The following MTUS2 variants were observed in gnomAD, a reference collection of about 807,000 sequenced individuals.
The protein encoded by MTUS2 is microtubule associated scaffold protein 2.
MTUS2 carries 40 observed loss-of-function variants against 114.1 expected under a neutral mutation model. The observed-to-expected ratio is 0.35, with a 90% CI of 0.27 to 0.46. The LOEUF (loss-of-function observed/expected upper bound fraction) is 0.46, where lower values mean the gene tolerates loss of function less well. MTUS2 is among the 20% of genes least tolerant of loss of function. The pLI is 1.00. For missense variants in MTUS2, 1,679 were observed against 1,705.4 expected (o/e 0.98, Z 0.27); for synonymous variants, 688 against 672.0 (o/e 1.02, Z -0.37).
At chr13:29,150,787 A>C (rs1233287487) in intron 5 of MTUS2, among the ~76,000 whole-genome samples, 2 of 152,184 alleles carry the variant, frequency 1.3e-5, no homozygotes, top group African/African-American at 4.8e-5. Flanking sequence ...CCACTTATTG[A>C]ATAGGGAGTC....
intron 2 of MTUS2, among the ~76,000 whole-genome samples, chr13:28,906,175 A>G (rs1019357107): frequency 3.3e-5 from 5 of 151,416 alleles, no homozygotes; most frequent in Non-Finnish European, 5.9e-5. Flanking sequence ...CTAGCGGTCT[A>G]TCAATTTTGT....
intron 2 of MTUS2, among the ~76,000 whole-genome samples, chr13:28,899,632 G>A (rs1211572652): frequency 2.0e-5 from 3 of 152,148 alleles, no homozygotes; most frequent in Admixed American, 1.3e-4. Flanking sequence ...GGATGGTCCC[G>A]ATCTCCTGAT....
Position 29,151,466 on chromosome 13 carries a change from A to G in MTUS2, c.2644+50496A>G, listed in dbSNP as rs189027552. On this transcript the variant is annotated intron_variant, in intron 5 of 15. Transcript: ENST00000612955. ...GTAATGTATAGGGTTTTCAAGGTAT[A>G]TGATCGTATCAGTGAAGAGGGATAA... Among the ~76,000 whole-genome samples the G allele has an allele frequency of 2.0e-4, 31 of 152,286 alleles. 1 individual carries two copies. The East Asian group carries it at 6.0e-3, about 29-fold the overall frequency.
In MTUS2 at chr13:29,185,215, A is replaced by G. The variant is rs1371701443; in HGVS notation, c.2644+84245A>G. On this transcript the variant is annotated intron_variant, in intron 5 of 15. Transcript: ENST00000612955. ...AATCACGTATATTGAAGACAGATCA[A>G]TTGAGATTATCCAGTTGAAAAAACG... Among the ~76,000 whole-genome samples, 12 of 152,086 alleles carry G rather than the reference A, an allele frequency of 7.9e-5. No individual in the cohort carries two copies. In the East Asian group the frequency reaches 1.9e-3, roughly 24 times the overall value.
At chr13:28,854,853 C>T (rs1201434284) in intron 2 of MTUS2, among the ~76,000 whole-genome samples, 2 of 152,160 alleles carry the variant, frequency 1.3e-5, no homozygotes, top group Non-Finnish European at 1.5e-5. Flanking sequence ...GTGGCGTGTC[C>T]AGTAGCAGCT....
intron 2 of MTUS2, among the ~76,000 whole-genome samples, chr13:28,877,103 T>A (rs1313988378): frequency 1.3e-5 from 2 of 149,340 alleles, no homozygotes; most frequent in Non-Finnish European, 3.0e-5. Context: ...CCACCCTGGC[T>A]ATGATGAAAC....
chr13:28,881,640 G>GT (rs200812668), intron 2 of MTUS2, among the ~76,000 whole-genome samples: 1,676 of 151,932 alleles, frequency 0.011, 15 homozygotes, highest in Non-Finnish European at 0.017. Context: ...AATATCTGCT[G>GT]TTTTTTTTAT....
At chr13:28,949,514 A>G (rs1218706257) in intron 2 of MTUS2, among the ~76,000 whole-genome samples, 1 of 152,252 alleles carries the variant, frequency 6.6e-6, no homozygotes, top group Non-Finnish European at 1.5e-5. Flanking sequence ...TTAACTGTAT[A>G]GTTCAGTAGT....
chr13:29,026,225 C>T lies in MTUS2; in HGVS notation c.1527C>T (p.Asn509=), dbSNP rs1274484865. 6.2e-7 allele frequency: 1 copy of T among 1,613,864 alleles called. No homozygotes were observed. The highest frequency in any genetic ancestry group is 8.5e-7 in the Non-Finnish European group (1 of 1,179,898). ...AGGTCACCACATCTGTTGCTGAAAA[C>T]AGGAACCTTCTAGAGAATGCAGATA... ...SKEVTTSVAE[N]RNLLENADKI... The change falls in exon 3 of 16, where the codon AAC becomes AAT. Residue 509 remains asparagine (N), a synonymous_variant. Coordinates refer to ENST00000612955, the MANE Select transcript of MTUS2 (RefSeq NM_001033602.4).
chr13:29,461,978 T>G (rs1026197885), intron 9 of MTUS2, among the ~76,000 whole-genome samples: 2 of 152,036 alleles, frequency 1.3e-5, no homozygotes, highest in Non-Finnish European at 2.9e-5. Context: ...AGGAGCCAGG[T>G]GTCTGCTGAG....
chr13:29,250,581 T>A (rs973127479), intron 5 of MTUS2: 1 of 151,484 alleles, frequency 6.6e-6, no homozygotes, highest in Non-Finnish European at 1.5e-5. Context: ...AAGGCAGACC[T>A]GAGTATCACA....
At chr13:28,998,883 T>C (rs950788161) in intron 2 of MTUS2, among the ~76,000 whole-genome samples, 7 of 152,256 alleles carry the variant, frequency 4.6e-5, no homozygotes, top group African/African-American at 1.7e-4. Context: ...AGCCTTCTTC[T>C]CTGAACTTGT....
intron 5 of MTUS2, among the ~76,000 whole-genome samples, chr13:29,206,653 G>T (rs1269404074): frequency 2.6e-5 from 4 of 152,088 alleles, no homozygotes; most frequent in African/African-American, 9.7e-5. Flanking sequence ...AGCACCATTT[G>T]TTGAATAGGG....
intron 9 of MTUS2, among the ~76,000 whole-genome samples, chr13:29,451,529 A>G (rs1474328212): frequency 6.6e-6 from 1 of 152,056 alleles, no homozygotes; most frequent in Admixed American, 6.6e-5. Flanking sequence ...GGTGATGGTG[A>G]GGTGAGGAGT....
chr13:28,928,145 C>G (rs1881424274), intron 2 of MTUS2, among the ~76,000 whole-genome samples: 1 of 151,916 alleles, frequency 6.6e-6, no homozygotes, highest in Non-Finnish European at 1.5e-5. Flanking sequence ...AAGCATGAAA[C>G]TACTAGATGA....
Position 29,501,116 on chromosome 13 carries a change from T to C in MTUS2, c.3818T>C (p.Leu1273Pro). Residue 1273 changes from leucine (L) to proline (P), a missense_variant, in exon 15 of 16, where the codon CTA becomes CCA. Leu to Pro is a moderately conservative substitution (Grantham distance 98, BLOSUM62 -3). Around this residue, in one of 3 missense-constraint regions of MTUS2, gnomAD observed 822 missense variants for 899.7 expected, o/e 0.91. Transcript: ENST00000612955. ...TTGTAGGCAGAAAAGAACATTATCC[T>C]AGAAGAAAAGATCCAGGTTCTCCAA... ...LEKLAEKNII[L>P]EEKIQVLQQQ... 1.9e-6 allele frequency: 3 copies of C among 1,614,070 alleles called. No individual in the cohort carries two copies. Among genetic ancestry groups the C allele is most frequent in the Non-Finnish European group, 1.7e-6 (2 of 1,179,968 alleles).
chr13:29,448,659 T>C (rs1272073766), intron 9 of MTUS2, among the ~76,000 whole-genome samples: 1 of 151,670 alleles, frequency 6.6e-6, no homozygotes, highest in East Asian at 1.9e-4. Context: ...TCATCTTCCT[T>C]CTGAGTTCAG....
At chr13:29,425,776 T>C (rs1201098918) in intron 8 of MTUS2, among the ~76,000 whole-genome samples, 1 of 152,182 alleles carries the variant, frequency 6.6e-6, no homozygotes, top group Non-Finnish European at 1.5e-5. Context: ...TTCACCAACA[T>C]AGGAAGGACT....
intron 2 of MTUS2, among the ~76,000 whole-genome samples, chr13:28,987,817 C>T (rs1048564862): frequency 6.6e-6 from 1 of 152,194 alleles, no homozygotes; most frequent in African/African-American, 2.4e-5. Context: ...TTTAATGCTG[C>T]ACAACTGTAC....
Sources: gnomAD v4.1 joint callset for allele counts (sites outside exome capture counted in the v4.1 genomes callset) on GRCh38, gnomAD v4.1.1 for gene constraint, gnomAD v4.1.1 regional missense constraint, MANE v1.5 for transcripts, NCBI Gene and HGNC (gene_info 2026-07-23, HGNC 2026-07-21) for gene names.